SS18: variants seen among roughly 807,000 people sequenced by gnomAD.
The protein encoded by SS18 is SS18 subunit of BAF chromatin remodeling complex.
Under a neutral mutation model 72.5 loss-of-function variants are expected in SS18, and 28 were observed. The observed-to-expected ratio is 0.39, with a 90% CI of 0.29 to 0.53. SS18 has a LOEUF of 0.53. Ranked by LOEUF, SS18 falls within the 20% of genes least tolerant of loss-of-function variation. SS18 has a pLI of 0.76. For missense variants in SS18, 518 were observed against 535.3 expected (o/e 0.97, Z 0.32); for synonymous variants, 172 against 164.2 (o/e 1.05, Z -0.37).
chr18:26,050,541 CAT>C (rs1186537927), intron 5 of SS18, among the ~76,000 whole-genome samples: 4 of 151,810 alleles, frequency 2.6e-5, no homozygotes, highest in Admixed American at 2.6e-4. Flanking sequence ...TAAAAGGTAA[CAT>C]ATAATTAAAA....
At chr18:26,033,949 A>C (rs574542389) in intron 9 of SS18, among the ~76,000 whole-genome samples, 62 of 152,332 alleles carry the variant, frequency 4.1e-4, no homozygotes, top group African/African-American at 1.4e-3. Flanking sequence ...TTCAAAGTAT[A>C]AATACTAAGT....
At chr18:26,038,839 A>G (rs868426161) in intron 6 of SS18, among the ~76,000 whole-genome samples, 180 bp from the exon 7 acceptor site, 6 of 152,326 alleles carry the variant, frequency 3.9e-5, no homozygotes, top group Non-Finnish European at 8.8e-5. Context: ...GCAGCTCCAC[A>G]TACCACATTT....
chr18:26,039,567 C>A, intron 5 of SS18, 111 bp from the exon 6 acceptor site: 1 of 928,378 alleles, frequency 1.1e-6, no homozygotes, highest in Non-Finnish European at 1.5e-6. Context: ...TAATTAAATG[C>A]AGTAAAAACT....
At chr18:26,039,188 A>AG (rs1186880135) in intron 6 of SS18, 101 bp downstream of exon 6, 330 of 912,132 alleles carry the variant, frequency 3.6e-4, no homozygotes, top group Non-Finnish European at 4.3e-4. Context: ...AAAAAAAAAA[A>AG]AAAAAAAGAA....
chr18:26,056,469 A>G (rs2054023508), intron 4 of SS18, among the ~76,000 whole-genome samples: 1 of 152,182 alleles, frequency 6.6e-6, no homozygotes, highest in African/African-American at 2.4e-5. Context: ...TGTGTGCCAT[A>G]TATGTTGCAA....
At chr18:26,027,682 A>T (rs112488857) in intron 10 of SS18, among the ~76,000 whole-genome samples, 2 of 144,306 alleles carry the variant, frequency 1.4e-5, no homozygotes, top group African/African-American at 5.2e-5. Flanking sequence ...AAAAAAAAAA[A>T]AAAAAAAAAA....
At position 26,017,177 on chromosome 18, in the gene SS18, C is replaced by T. The variant is rs975931652; in HGVS notation, c.*1177G>A. On this transcript the variant is annotated 3_prime_UTR_variant, in exon 11 of 11. Transcript: ENST00000415083. ...AACAAGGTTATCTAGAATGCAACCT[C>T]GGTGCTTTAAAAACAGATAGAATAA... is the stretch of plus-strand genomic sequence containing the variant. 1.5e-5 allele frequency: 3 copies of T among 206,370 alleles called. No homozygotes were observed. The highest frequency in any genetic ancestry group is 4.6e-5 in the African/African-American group (2 of 43,780). 12.8% of individuals were successfully genotyped at this position (206,370 alleles called of 1,614,324 possible).
chr18:26,031,520 C>A (rs768443155), intron 10 of SS18, among the ~76,000 whole-genome samples: 5 of 152,140 alleles, frequency 3.3e-5, no homozygotes, highest in Non-Finnish European at 7.4e-5. Flanking sequence ...AAAGTGCAGA[C>A]AAACCTGAAA....
In SS18 at chr18:26,052,608, C is replaced by T. The variant is rs2053940874; in HGVS notation, c.607+16G>A. On this transcript the variant is annotated intron_variant, in intron 5 of 10. Coordinates refer to ENST00000415083, the MANE Select transcript of SS18 (RefSeq NM_001007559.3). ...AATAGAGCACTCTAGTCAAGAAGGA[C>T]ATAAAGCTTAGTTACCTTGGTTTGG... 2 of 1,598,108 alleles carry T rather than the reference C, an allele frequency of 1.3e-6. No individual in the cohort carries two copies. The highest frequency in any genetic ancestry group is 1.7e-5 in the Admixed American group (1 of 59,982).
At chr18:26,080,994 C>A (rs889885671) in intron 2 of SS18, among the ~76,000 whole-genome samples, 1 of 150,802 alleles carries the variant, frequency 6.6e-6, no homozygotes, top group African/African-American at 2.4e-5. Flanking sequence ...TGCCCTAATA[C>A]CTCCAAATCA....
chr18:26,028,910 T>C (rs532689587), intron 10 of SS18, among the ~76,000 whole-genome samples: 3 of 152,160 alleles, frequency 2.0e-5, no homozygotes, highest in South Asian at 4.1e-4. Context: ...TTTAATGGTA[T>C]ATAAATTATA....
intron 9 of SS18, 66 bp from the exon 10 acceptor site, chr18:26,032,598 G>A (rs2053563039): frequency 6.5e-7 from 1 of 1,546,580 alleles, no homozygotes; most frequent in Admixed American, 1.9e-5. Flanking sequence ...AGGGAAGGAT[G>A]TGAACTACAG....
chr18:26,029,754 G>A (rs76608624), intron 10 of SS18, among the ~76,000 whole-genome samples: 9,984 of 152,122 alleles, frequency 0.066, 454 homozygotes, highest in East Asian at 0.24. Flanking sequence ...GTTAGTATTG[G>A]GTTTCAGAAT....
At chr18:26,027,758 A>G (rs563396777) in intron 10 of SS18, among the ~76,000 whole-genome samples, 22 of 150,996 alleles carry the variant, frequency 1.5e-4, no homozygotes, top group African/African-American at 5.3e-4. Flanking sequence ...AAAGAAAAAA[A>G]GCCATGCAAA....
At position 26,057,672 on chromosome 18, in the gene SS18, G is replaced by T; in HGVS notation, c.302C>A (p.Ser101Tyr). Residue 101 changes from serine (S) to tyrosine (Y), a missense_variant, in exon 4 of 11, where the codon TCT (serine) becomes TAT (tyrosine). Coordinates refer to ENST00000415083, the MANE Select transcript of SS18 (RefSeq NM_001007559.3). ...NQSGPPPPPR[S>Y]HNMPSDGMVG... ...CATTCCATCTGAAGGCATGTTGTGA[G>T]AGCGTGGAGGTGGGGGAGGGCCGCT... 1 of 1,614,164 alleles carries T rather than the reference G, an allele frequency of 6.2e-7. No homozygotes were observed. Among genetic ancestry groups the T allele is most frequent in the South Asian group, 1.1e-5 (1 of 91,080 alleles).
chr18:26,066,930 C>T (rs1361948574), intron 3 of SS18, among the ~76,000 whole-genome samples: 1 of 152,098 alleles, frequency 6.6e-6, no homozygotes, highest in African/African-American at 2.4e-5. Flanking sequence ...ACTCTGAATA[C>T]AAAGTATTTC....
intron 5 of SS18, among the ~76,000 whole-genome samples, chr18:26,040,714 GAT>G (rs2053708425): frequency 6.6e-6 from 1 of 152,296 alleles, no homozygotes; most frequent in Non-Finnish European, 1.5e-5. Context: ...CTTTATCAGA[GAT>G]AACTGTTTTT....
At position 26,035,742 on chromosome 18, in the gene SS18, T is replaced by A; in HGVS notation, c.973+89A>T. ...CCAGCAACTAGTATTCTACAAGAGC[T>A]TTGCATGGGTAGAAGTTGTCTTATG... On this transcript the variant is annotated intron_variant, in intron 8 of 10. Transcript: ENST00000415083. This position sits in a 1 kb window ranked among gnomAD's most constrained non-coding sequence, Gnocchi z 4.4. The A allele has an allele frequency of 1.2e-6, 1 of 816,182 alleles. No homozygotes were observed. The highest frequency in any genetic ancestry group is 1.9e-6 in the Non-Finnish European group (1 of 540,380). 50.6% of individuals were successfully genotyped at this position (816,182 alleles called of 1,614,324 possible).
At chr18:26,065,818 T>TATATATATATATATATATATATATATA in intron 3 of SS18, among the ~76,000 whole-genome samples, 1 of 141,994 alleles carries the variant, frequency 7.0e-6, no homozygotes, top group Non-Finnish European at 1.6e-5. Flanking sequence ...TATATATATA[T>TATATATATATATATATATATATATATA]ATATATGATC....
Sources: allele counts gnomAD v4.1 joint callset (sites outside exome capture counted in the v4.1 genomes callset), GRCh38; gene constraint gnomAD v4.1.1; non-coding constraint Gnocchi (gnomAD v3.1); transcripts MANE v1.5; gene names NCBI Gene and HGNC (gene_info 2026-07-23, HGNC 2026-07-21).